The following ASXL2 variants were observed in gnomAD, a reference collection of about 807,000 sequenced individuals.
ASXL2 encodes the protein putative Polycomb group protein ASXL2.
In ASXL2, 23 loss-of-function variants were observed where a neutral mutation model predicts 122.0. The ratio of observed to expected loss-of-function variants is 0.19; its 90% CI spans 0.14 to 0.27. The LOEUF is 0.27. ASXL2 is among the 10% of genes least tolerant of loss of function. The pLI is 1.00. For missense variants in ASXL2, 1,518 were observed against 1,713.8 expected (o/e 0.89, Z 2.02); for synonymous variants, 650 against 637.0 (o/e 1.02, Z -0.31).
At chr2:25,851,346 G>GT (rs2089714430) in intron 1 of ASXL2, among the ~76,000 whole-genome samples, 1 of 152,112 alleles carries the variant, frequency 6.6e-6, no homozygotes, top group South Asian at 2.1e-4. Flanking sequence ...TTTAATTACT[G>GT]TATTTCCTCA....
intron 1 of ASXL2, among the ~76,000 whole-genome samples, chr2:25,859,670 T>G (rs550661827): frequency 8.5e-5 from 13 of 152,308 alleles, no homozygotes; most frequent in Non-Finnish European, 1.8e-4. Flanking sequence ...GTAAACAGAC[T>G]TTTCTTAAGC....
At chr2:25,869,777 C>T (rs1438078757) in intron 1 of ASXL2, among the ~76,000 whole-genome samples, 2 of 151,428 alleles carry the variant, frequency 1.3e-5, no homozygotes, top group African/African-American at 2.4e-5. Flanking sequence ...GATTACGCCA[C>T]TGCACTCCAG....
chr2:25,841,068 C>T (rs950063309), intron 2 of ASXL2, among the ~76,000 whole-genome samples: 3 of 152,032 alleles, frequency 2.0e-5, no homozygotes, highest in Non-Finnish European at 4.4e-5. Context: ...GAGGCCAAGG[C>T]AGGAGGATCA....
chr2:25,813,475 C>T (rs2089196491), intron 3 of ASXL2, among the ~76,000 whole-genome samples: 5 of 152,178 alleles, frequency 3.3e-5, no homozygotes, highest in Admixed American at 2.6e-4. Flanking sequence ...TATATACAGT[C>T]TCATGTCAGT....
intron 8 of ASXL2, among the ~76,000 whole-genome samples, chr2:25,763,066 T>C (rs796829905): frequency 1.3e-5 from 2 of 152,220 alleles, no homozygotes; most frequent in African/African-American, 4.8e-5. Context: ...CTTCAAAACA[T>C]GTGAAATAAA....
chr2:25,823,741 T>C (rs1429473641), intron 3 of ASXL2, among the ~76,000 whole-genome samples: 5 of 148,130 alleles, frequency 3.4e-5, no homozygotes, highest in Non-Finnish European at 6.0e-5. Flanking sequence ...TTTTTTTTTT[T>C]CAGCTTATAC....
At chr2:25,827,543 C>T (rs138322662) in intron 3 of ASXL2, among the ~76,000 whole-genome samples, 3 of 152,140 alleles carry the variant, frequency 2.0e-5, no homozygotes, top group African/African-American at 7.2e-5. Context: ...TTGATTCATT[C>T]GGATTAACAA....
intron 2 of ASXL2, among the ~76,000 whole-genome samples, chr2:25,842,500 C>A (rs1178977012): frequency 6.6e-6 from 1 of 151,866 alleles, no homozygotes; most frequent in African/African-American, 2.4e-5. Context: ...CCTGCTTGCT[C>A]CCTGGAAATG....
chr2:25,767,667 T>C lies in ASXL2; in HGVS notation c.691A>G (p.Ser231Gly), dbSNP rs771641054. ...TCCACTTTAACTGAGGAAGAAAAGC[T>C]GGAGTTTGAGTTTTGAGGGCTGCCT... Reference protein sequence around the residue: ...QTGSPQNSNSSFSSSVKVENT... With the variant: ...QTGSPQNSNSGFSSSVKVENT... Residue 231 changes from serine (S) to glycine (G), a missense_variant, in exon 8 of 13, where the codon AGC becomes GGC. Physicochemically the swap from Ser to Gly is moderately conservative, Grantham distance 56. Around this residue, in one of 8 missense-constraint regions of ASXL2, gnomAD observed 198 missense variants for 209.0 expected, o/e 0.95. Transcript: ENST00000435504. The C allele has an allele frequency of 8.7e-6, 14 of 1,613,976 alleles. No individual in the cohort carries two copies. Among genetic ancestry groups the C allele is most frequent in the Middle Eastern group, 1.6e-4 (1 of 6,062 alleles).
chr2:25,783,827 G>C lies in ASXL2; in HGVS notation c.404-12287C>G, dbSNP rs1013529533. Among the ~76,000 whole-genome samples the C allele has an allele frequency of 2.0e-5, 3 of 151,462 alleles. No individual in the cohort carries two copies. In the East Asian group the frequency reaches 5.8e-4, roughly 29 times the overall value. ...TGCCAGCACTTTGTGGGGCTGAGGT[G>C]GGAGGATCACGAGGTCAAGAGTTCA... is the stretch of plus-strand genomic sequence containing the variant. On this transcript the variant is annotated intron_variant, in intron 5 of 12. Coordinates refer to ENST00000435504, the MANE Select transcript of ASXL2 (RefSeq NM_018263.6).
At chr2:25,822,533 A>T (rs989491986) in intron 3 of ASXL2, 1 of 484,882 alleles carries the variant, frequency 2.1e-6, no homozygotes, top group Non-Finnish European at 4.0e-6. Context: ...TTCTGTGAAC[A>T]CAGTAAGGAT....
chr2:25,751,099 C>T (rs1332278373), intron 11 of ASXL2, among the ~76,000 whole-genome samples: 1 of 152,166 alleles, frequency 6.6e-6, no homozygotes, highest in African/African-American at 2.4e-5. Context: ...TGTGGCTTGG[C>T]TAAAAGCTAG....
chr2:25,792,435 CATTT>C (rs147988840), intron 5 of ASXL2, among the ~76,000 whole-genome samples: 36,102 of 151,976 alleles, frequency 0.24, 4,533 homozygotes, highest in Non-Finnish European at 0.29. Context: ...CTTAACAACA[CATTT>C]TTTTGTCTAA....
chr2:25,750,155 T>G lies in ASXL2; in HGVS notation c.1401A>C (p.Ser467=). 1 of 1,614,022 alleles carries G rather than the reference T, an allele frequency of 6.2e-7. No homozygotes were observed. The highest frequency in any genetic ancestry group is 2.2e-5 in the East Asian group (1 of 44,892). Residue 467 remains serine, a synonymous_variant, in exon 12 of 13, where the codon TCA becomes TCC. Transcript: ENST00000435504. ...TGCTAAGCTCATGTGTATTGAGAGC[T>G]GAGGAAAGCAGGGGCTCTGAAGATG... ...FSTSSEPLLS[S]ALNTHELSSI...
At chr2:25,871,500 T>TC (rs55986564) in intron 1 of ASXL2, among the ~76,000 whole-genome samples, 42,305 of 151,802 alleles carry the variant, frequency 0.28, 6,194 homozygotes, top group African/African-American at 0.33. Flanking sequence ...TCTGCTTTTT[T>TC]CCCCTCCTTC....
At chr2:25,802,683 T>C (rs1349989665) in intron 4 of ASXL2, among the ~76,000 whole-genome samples, 2 of 152,130 alleles carry the variant, frequency 1.3e-5, no homozygotes, top group East Asian at 3.9e-4. Flanking sequence ...ACCAACTATG[T>C]GACTAGAGGG....
chr2:25,842,753 T>C (rs1245616003), intron 2 of ASXL2, among the ~76,000 whole-genome samples: 5 of 148,480 alleles, frequency 3.4e-5, no homozygotes, highest in Non-Finnish European at 7.4e-5. Flanking sequence ...TGTATGTATG[T>C]GTGTGCGTGT....
At chr2:25,838,541 A>G (rs1392535506) in intron 2 of ASXL2, among the ~76,000 whole-genome samples, 2 of 152,206 alleles carry the variant, frequency 1.3e-5, no homozygotes, top group Non-Finnish European at 2.9e-5. Flanking sequence ...GTGTGGGAGT[A>G]GCCATGTGAG....
chr2:25,851,375 A>G (rs1000655645), intron 1 of ASXL2, among the ~76,000 whole-genome samples: 4 of 152,172 alleles, frequency 2.6e-5, no homozygotes, highest in African/African-American at 9.7e-5. Flanking sequence ...TTGGCTATTC[A>G]TTGGCTATTG....
Sources: gnomAD v4.1 joint callset for allele counts (sites outside exome capture counted in the v4.1 genomes callset) on GRCh38, gnomAD v4.1.1 for gene constraint, gnomAD v4.1.1 regional missense constraint, MANE v1.5 for transcripts, NCBI Gene and HGNC (gene_info 2026-07-23, HGNC 2026-07-21) for gene names.